Variants in MFAP1 observed in about 807,000 individuals in gnomAD.
The protein encoded by MFAP1 is microfibrillar-associated protein 1.
MFAP1 carries 18 observed loss-of-function variants against 62.2 expected under a neutral mutation model. The ratio of observed to expected loss-of-function variants is 0.29; its 90% confidence interval spans 0.20 to 0.43. The LOEUF is 0.43. Ranked by LOEUF, MFAP1 falls within the 20% of genes least tolerant of loss-of-function variation. The probability of loss-of-function intolerance (pLI) is 1.00; values close to 1 mark genes in which losing one functional copy is unlikely to be tolerated. For missense variants in MFAP1, 355 were observed against 559.7 expected (o/e 0.63, Z 3.69); for synonymous variants, 175 against 180.4 (o/e 0.97, Z 0.24).
chr15:43,812,196 A>AT (rs1031267567), intron 6 of MFAP1, among the ~76,000 whole-genome samples: 2 of 152,226 alleles, frequency 1.3e-5, no homozygotes, highest in African/African-American at 4.8e-5. Flanking sequence ...GTCAAAAAAA[A>AT]AAAAAAAAGA....
At position 43,814,538 on chromosome 15, in the gene MFAP1, C is replaced by T. The variant is rs1413802381; in HGVS notation, c.580G>A (p.Glu194Lys). The change falls in exon 4 of 9, where the codon GAG becomes AAG. Residue 194 changes from glutamate (E) to lysine (K), a missense_variant. Glu to Lys is a moderately conservative substitution (Grantham distance 56, BLOSUM62 1). Around this residue, in one of 6 missense-constraint regions of MFAP1, gnomAD observed 257 missense variants for 341.3 expected, o/e 0.75. Transcript: ENST00000267812. ...EYEEYTDSEDEMEPRLKPVFI... is the reference protein window; with the variant it reads ...EYEEYTDSEDKMEPRLKPVFI... ...ACTGGCTTAAGGCGAGGCTCCATCT[C>T]ATCTTCACTGTCTGTGTACTCTTCA... 6.2e-7 allele frequency: 1 copy of T among 1,613,954 alleles called. No homozygotes were observed. Among genetic ancestry groups the T allele is most frequent in the Admixed American group, 1.7e-5 (1 of 59,952 alleles).
chr15:43,805,547 G>C, intron 7 of MFAP1, 82 bp from the exon 8 acceptor site: 1 of 1,117,134 alleles, frequency 9.0e-7, no homozygotes, highest in Non-Finnish European at 1.3e-6. Context: ...CTACAATAAG[G>C]GATACAGAGA....
chr15:43,807,561 G>T (rs920931275), intron 7 of MFAP1, among the ~76,000 whole-genome samples: 3 of 151,528 alleles, frequency 2.0e-5, no homozygotes, highest in Non-Finnish European at 4.4e-5. Flanking sequence ...TGTTAGCCAG[G>T]ATGGTCTCAA....
In MFAP1 at chr15:43,809,850, C is replaced by T; in HGVS notation, c.952G>A (p.Glu318Lys). The change falls in exon 7 of 9, where the codon GAA (glutamate) becomes AAA (lysine). Residue 318 changes from glutamate (E) to lysine (K), a missense_variant. Coordinates refer to ENST00000267812, the MANE Select transcript of MFAP1 (RefSeq NM_005926.3). ...RNLTEEERRA[E>K]LRANGKVITN... ...ATGACTTTGCCGTTTGCCCGAAGTT[C>T]AGCTCTCCTCTCTTCCTCAGTCAGG... is the stretch of plus-strand genomic sequence containing the variant. 1 of 1,614,158 alleles carries T rather than the reference C, an allele frequency of 6.2e-7. No homozygotes were observed. The highest frequency in any genetic ancestry group is 8.5e-7 in the Non-Finnish European group (1 of 1,180,040).
intron 1 of MFAP1, among the ~76,000 whole-genome samples, chr15:43,821,574 G>T (rs1356873889): frequency 6.6e-6 from 1 of 152,082 alleles, no homozygotes; most frequent in East Asian, 1.9e-4. Context: ...TATAGGGATG[G>T]CATTAAAAAT....
chr15:43,810,154 A>G (rs1596055602), intron 6 of MFAP1: 2 of 402,166 alleles, frequency 5.0e-6, no homozygotes, highest in Middle Eastern at 6.7e-4. Context: ...TGACGTTCAG[A>G]CATACTATTA....
intron 6 of MFAP1, 158 bp from the exon 7 acceptor site, chr15:43,810,072 T>C: frequency 1.2e-6 from 1 of 817,478 alleles, no homozygotes; most frequent in Non-Finnish European, 1.9e-6. Flanking sequence ...AATAAACAAA[T>C]GGGTGAGTTA....
At chr15:43,817,101 A>C in intron 2 of MFAP1, 128 bp downstream of exon 2, 1 of 952,528 alleles carries the variant, frequency 1.0e-6, no homozygotes, top group Non-Finnish European at 1.6e-6. Context: ...TATTTCATAA[A>C]GTTATTGTAT....
At chr15:43,807,348 A>G (rs2087372280) in intron 7 of MFAP1, among the ~76,000 whole-genome samples, 2 of 150,166 alleles carry the variant, frequency 1.3e-5, no homozygotes, top group South Asian at 4.2e-4. Flanking sequence ...AAAAAATTAT[A>G]TATTTAATTT....
intron 7 of MFAP1, among the ~76,000 whole-genome samples, chr15:43,807,594 T>C (rs1320779398): frequency 6.6e-6 from 1 of 151,690 alleles, no homozygotes; most frequent in Non-Finnish European, 1.5e-5. Context: ...ATGATCCGCC[T>C]GCCTTGGCCT....
At chr15:43,820,196 TAG>T (rs1365703435) in intron 1 of MFAP1, among the ~76,000 whole-genome samples, 1 of 152,108 alleles carries the variant, frequency 6.6e-6, no homozygotes, top group African/African-American at 2.4e-5. Flanking sequence ...CACGCACCTG[TAG>T]TCCCAGCTAC....
At chr15:43,808,100 ACTGCACTCTAGC>A (rs1414318692) in intron 7 of MFAP1, among the ~76,000 whole-genome samples, 1 of 152,256 alleles carries the variant, frequency 6.6e-6, no homozygotes, top group Non-Finnish European at 1.5e-5. Context: ...TGACTGCACC[ACTGCACTCTAGC>A]CTGAGTGATA....
In MFAP1 at chr15:43,815,157, A is replaced by T. The variant is rs1423266395; in HGVS notation, c.300-83T>A. On this transcript the variant is annotated intron_variant, in intron 2 of 8. Transcript: ENST00000267812. ...CTGCATTTCCATAGCCACAGAGCAC[A>T]TTATGTTTGCCTTCATTAATACTGA... The T allele has an allele frequency of 1.9e-6, 3 of 1,547,628 alleles. No homozygotes were observed. The East Asian group carries it at 6.8e-5, about 35-fold the overall frequency.
intron 1 of MFAP1, among the ~76,000 whole-genome samples, chr15:43,820,889 G>A (rs896045198): frequency 4.6e-5 from 7 of 152,180 alleles, no homozygotes; most frequent in African/African-American, 7.2e-5. Flanking sequence ...GATTACAGGC[G>A]TGAGCCACCA....
At chr15:43,819,304 G>T (rs1398005979) in intron 1 of MFAP1, among the ~76,000 whole-genome samples, 1 of 152,078 alleles carries the variant, frequency 6.6e-6, no homozygotes, top group Admixed American at 6.6e-5. Context: ...TTTTATTTTT[G>T]TTTGTTATTT....
rs2087412147 is a variant in MFAP1 at position 43,813,082 on chromosome 15, T to C, written c.792A>G (p.Ala264=). ...ENKRSLAALD[A]LNTDDENDEE... ...CATCATTTTCATCATCAGTATTGAG[T>C]GCATCCAATGCAGCCAGGGATCGCT... Residue 264 remains alanine (A), a synonymous_variant, in exon 6 of 9, where the codon GCA becomes GCG. Coordinates refer to ENST00000267812, the MANE Select transcript of MFAP1 (RefSeq NM_005926.3). 1 of 1,614,136 alleles carries C rather than the reference T, an allele frequency of 6.2e-7. No individual in the cohort carries two copies. The highest frequency in any genetic ancestry group is 1.7e-5 in the Admixed American group (1 of 59,996).
rs970675402 is a variant in MFAP1 at position 43,804,530 on chromosome 15, A to C, written c.*564T>G. The C allele has an allele frequency of 6.6e-6, 1 of 152,254 alleles. No individual in the cohort carries two copies. The highest frequency in any genetic ancestry group is 1.5e-5 in the Non-Finnish European group (1 of 68,046). The allele number at this position is 152,254 out of a possible 1,614,324, so 9.4% of individuals were successfully genotyped here. ...TTATCTTTTACTTTAATAGGCAATT[A>C]ATACTTGTCAGCTTGGACATTTTAT... On this transcript the variant is annotated 3_prime_UTR_variant, in exon 9 of 9. Coordinates refer to ENST00000267812, the MANE Select transcript of MFAP1 (RefSeq NM_005926.3).
Position 43,814,620 on chromosome 15 carries a change from G to A in MFAP1, c.498C>T (p.Val166=), listed in dbSNP as rs988257923. ...AQERKNEEME[V]MEVEDEGRSG... ...AACGACCCTCATCTTCCACTTCCAT[G>A]ACTTCCATCTCTTCATTTTTTCTCT... Residue 166 remains valine, a synonymous_variant, in exon 4 of 9, where the codon GTC becomes GTT. Coordinates refer to ENST00000267812, the MANE Select transcript of MFAP1 (RefSeq NM_005926.3). The A allele has an allele frequency of 1.9e-6, 3 of 1,614,050 alleles. No homozygotes were observed.
rs780005858 is a variant in MFAP1, at chr15:43,813,243, C to T, written c.726+6G>A. The T allele has an allele frequency of 1.8e-5, 29 of 1,613,990 alleles. No individual in the cohort carries two copies. The highest frequency in any genetic ancestry group is 1.4e-4 in the South Asian group (13 of 91,074). On this transcript the variant is annotated splice_donor_region_variant and intron_variant, in intron 5 of 8. Coordinates refer to ENST00000267812, the MANE Select transcript of MFAP1 (RefSeq NM_005926.3). ...GTACTCATTCCTTGCAACCACTCCCCAGTACCTTGAGTGTGTACTTGCGCC... is the reference window on the plus strand; with the variant it reads ...GTACTCATTCCTTGCAACCACTCCCTAGTACCTTGAGTGTGTACTTGCGCC...
Sources: gnomAD v4.1 joint callset for allele counts (sites outside exome capture counted in the v4.1 genomes callset) on GRCh38, gnomAD v4.1.1 for gene constraint, gnomAD v4.1.1 regional missense constraint, MANE v1.5 for transcripts, NCBI Gene and HGNC (gene_info 2026-07-23, HGNC 2026-07-21) for gene names.